The following C5orf58 variants were observed in gnomAD, a reference collection of about 807,000 sequenced individuals.
The protein encoded by C5orf58 is chromosome 5 open reading frame 58, also known as putative uncharacterized protein C5orf58.
In C5orf58, 2 loss-of-function variants were observed where a neutral mutation model predicts 2.9. The observed-to-expected ratio is 0.69, with a 90% CI of 0.28 to 2.18. The LOEUF (loss-of-function observed/expected upper bound fraction) is 2.18, where lower values mean the gene tolerates loss of function less well. Among genes scored for constraint, C5orf58 ranks in the 30% most tolerant of loss-of-function variants. The pLI is 0.13. For synonymous variants in C5orf58, 37 were observed against 33.4 expected (o/e 1.11, Z -0.37); for missense variants, 96 against 91.7 (o/e 1.05, Z -0.19).
At chr5:170,247,250 C>G (rs1026220650), downstream of C5orf58, 1 of 152,140 alleles carries the variant, frequency 6.6e-6, no homozygotes, top group Non-Finnish European at 1.5e-5. Flanking sequence ...CTTAAACTCC[C>G]AAGTTTTGGA....
intron 3 of C5orf58, among the ~76,000 whole-genome samples, chr5:170,239,963 C>T (rs1296860748): frequency 1.4e-5 from 2 of 142,542 alleles, no homozygotes; most frequent in Non-Finnish European, 3.0e-5. Flanking sequence ...GTGTGATATT[C>T]CCCTTCCTGT....
intron 2 of C5orf58, 32 bp downstream of exon 2, chr5:170,234,230 G>A: frequency 7.6e-7 from 1 of 1,313,842 alleles, no homozygotes; most frequent in South Asian, 1.2e-5. Context: ...TGGACAAGCA[G>A]CTTGACCCAT....
intron 3 of C5orf58, among the ~76,000 whole-genome samples, chr5:170,235,918 A>G (rs142652530): frequency 3.9e-5 from 6 of 152,256 alleles, no homozygotes; most frequent in African/African-American, 1.4e-4. Context: ...AGGTTTAAAG[A>G]TTTTGTCAGG....
downstream of C5orf58, chr5:170,247,076 G>T (rs753656428): frequency 6.6e-6 from 1 of 152,126 alleles, no homozygotes; most frequent in Non-Finnish European, 1.5e-5. Context: ...GATAGAATAC[G>T]GCAAAGCAAG....
chr5:170,244,967 G>A (rs1761193746), intron 3 of C5orf58, among the ~76,000 whole-genome samples: 1 of 152,160 alleles, frequency 6.6e-6, no homozygotes, highest in Non-Finnish European at 1.5e-5. Flanking sequence ...TGGTGTGGAT[G>A]TCCTTTCTGT....
chr5:170,234,938 C>G, intron 2 of C5orf58, 39 bp from the exon 3 acceptor site: 2 of 905,074 alleles, frequency 2.2e-6, no homozygotes, highest in Non-Finnish European at 1.7e-6. Flanking sequence ...CACATAAATA[C>G]TGATTTATAC....
downstream of C5orf58, among the ~76,000 whole-genome samples, chr5:170,249,009 T>G (rs545478069): frequency 5.3e-5 from 8 of 152,238 alleles, no homozygotes; most frequent in Non-Finnish European, 1.2e-4. Context: ...CTCATAAACA[T>G]CCAACAAACC....
downstream of C5orf58, chr5:170,250,595 A>T: frequency 1.5e-6 from 1 of 687,228 alleles, no homozygotes; most frequent in South Asian, 1.8e-5. Flanking sequence ...CTCTTCCAAT[A>T]AATGAAGGGC....
At position 170,234,825 on chromosome 5, in the gene C5orf58, C is replaced by G. The variant is rs1760673885; in HGVS notation, c.1-152C>G. On this transcript the variant is annotated intron_variant, in intron 2 of 3. Coordinates refer to ENST00000593851, the MANE Select transcript of C5orf58 (RefSeq NM_001102609.3). ...AAAATATTACATAACACATTAATGC[C>G]TTTTGATGTTAGAATTCTAACCATT... 7 of 475,826 alleles carry G rather than the reference C, an allele frequency of 1.5e-5. No individual in the cohort carries two copies. The South Asian group carries it at 2.1e-4, about 14-fold the overall frequency. 29.5% of individuals were successfully genotyped at this position (475,826 alleles called of 1,614,324 possible).
chr5:170,233,069 G>A, intron 1 of C5orf58, 62 bp downstream of exon 1: 1 of 778,356 alleles, frequency 1.3e-6, no homozygotes, highest in Non-Finnish European at 1.6e-6. Context: ...GGTGAAGACC[G>A]CTGAAATTTC....
chr5:170,245,559 CT>C (rs1313776980), intron 3 of C5orf58, among the ~76,000 whole-genome samples: 4 of 152,218 alleles, frequency 2.6e-5, no homozygotes, highest in Non-Finnish European at 5.9e-5. Flanking sequence ...TCACCCCTTT[CT>C]TTGACTCGGA....
At chr5:170,249,583 C>T (rs1040161186), downstream of C5orf58, among the ~76,000 whole-genome samples, 10 of 152,034 alleles carry the variant, frequency 6.6e-5, no homozygotes, top group African/African-American at 1.7e-4. Context: ...AGGTCAGACA[C>T]GGTTCATGGT....
downstream of C5orf58, chr5:170,246,348 CT>C (rs1324134471): frequency 2.8e-4 from 88 of 310,554 alleles, no homozygotes; most frequent in African/African-American, 1.7e-3. Flanking sequence ...TTAGCTTATG[CT>C]TGAATTTGGC....
chr5:170,248,881 C>A (rs537112993), downstream of C5orf58: 41 of 1,562,256 alleles, frequency 2.6e-5, no homozygotes, highest in South Asian at 4.5e-4. Context: ...ACTTCACTTT[C>A]AGTTTTTTTA....
At chr5:170,246,955 C>T (rs912683818), downstream of C5orf58, 4 of 152,176 alleles carry the variant, frequency 2.6e-5, no homozygotes, top group Non-Finnish European at 4.4e-5. Context: ...TGGCACTTTC[C>T]ACTAATAGAC....
rs527378750 is a variant in C5orf58 at position 170,234,060 on chromosome 5, G to A, written c.-84-55G>A. Reference sequence around the variant, plus strand: ...AGGCAGCTGACATCCTGGAGAATGGGGTCTTGGGGGTAGATGCAAAGCGCA... The same window carrying A: ...AGGCAGCTGACATCCTGGAGAATGGAGTCTTGGGGGTAGATGCAAAGCGCA... On this transcript the variant is annotated intron_variant, in intron 1 of 3. Coordinates refer to ENST00000593851, the MANE Select transcript of C5orf58 (RefSeq NM_001102609.3). 20 of 1,053,596 alleles carry A rather than the reference G, an allele frequency of 1.9e-5. No individual in the cohort carries two copies. In the South Asian group the frequency reaches 2.3e-4, roughly 12 times the overall value. The allele number at this position is 1,053,596 out of a possible 1,614,324, so 65.3% of individuals were successfully genotyped here.
At chr5:170,249,203 T>C (rs1456352085), downstream of C5orf58, among the ~76,000 whole-genome samples, 2 of 151,886 alleles carry the variant, frequency 1.3e-5, no homozygotes, top group South Asian at 2.1e-4. Context: ...TGTGCGCCTG[T>C]AATCCCAGCT....
chr5:170,245,812 T>C (rs1362319988), intron 3 of C5orf58, 150 bp from the exon 4 acceptor site: 7 of 737,556 alleles, frequency 9.5e-6, no homozygotes, highest in Admixed American at 2.7e-5. Context: ...ATAAATCTTA[T>C]TTTAAGTCAG....
At chr5:170,249,093 C>T (rs1009503542), downstream of C5orf58, among the ~76,000 whole-genome samples, 13 of 152,010 alleles carry the variant, frequency 8.6e-5, no homozygotes, top group South Asian at 2.1e-4. Context: ...AGGCTAAGGC[C>T]GGTGGATCAC....
Sources: gnomAD v4.1 joint callset for allele counts (sites outside exome capture counted in the v4.1 genomes callset) on GRCh38, gnomAD v4.1.1 for gene constraint, MANE v1.5 for transcripts, NCBI Gene and HGNC (gene_info 2026-07-23, HGNC 2026-07-21) for gene names.